PRKG1: variants seen among roughly 807,000 people sequenced by gnomAD.
PRKG1 encodes the protein cGMP-dependent protein kinase 1.
PRKG1 carries 35 observed loss-of-function variants against 88.1 expected under a neutral mutation model. That is an observed-to-expected ratio of 0.40 (90% confidence interval 0.30 to 0.53). The LOEUF is 0.53. Ranked by LOEUF, PRKG1 falls within the 20% of genes least tolerant of loss-of-function variation. The probability of loss-of-function intolerance (pLI) is 0.59; values close to 1 mark genes in which losing one functional copy is unlikely to be tolerated. For missense variants in PRKG1, 540 were observed against 839.8 expected, an observed-to-expected ratio of 0.64 and a Z score of 4.41; for synonymous variants, 303 against 292.5, an observed-to-expected ratio of 1.04 and a Z score of -0.37.
intron 3 of PRKG1, among the ~76,000 whole-genome samples, chr10:51,667,967 C>T (rs1564598035): frequency 2.0e-5 from 3 of 149,878 alleles, no homozygotes. Flanking sequence ...TTTTCCAGCT[C>T]TTTTTTTTTT....
chr10:52,133,954 C>G, intron 8 of PRKG1, 49 bp downstream of exon 8: 1 of 1,406,870 alleles, frequency 7.1e-7, no homozygotes, highest in East Asian at 2.3e-5. Flanking sequence ...ATCAGCAACA[C>G]ACATGAGTTC....
chr10:51,748,012 C>T (rs781243039), intron 3 of PRKG1, among the ~76,000 whole-genome samples: 6 of 152,158 alleles, frequency 3.9e-5, no homozygotes, highest in Non-Finnish European at 5.9e-5. Context: ...GCAGTAGAGC[C>T]AGAACTCCTG....
At position 51,444,935 on chromosome 10, in the gene PRKG1, T is replaced by C. The variant is rs111442203; in HGVS notation, c.479-22788T>C. On this transcript the variant is annotated intron_variant, in intron 2 of 17. Coordinates refer to ENST00000373980, the MANE Select transcript of PRKG1 (RefSeq NM_006258.4). Reference sequence around the variant, plus strand: ...GAATCTTGGGACTGGGTTAAAAAAATAGTCTTCATTGTTGAAATAAGGAAT... The same window carrying C: ...GAATCTTGGGACTGGGTTAAAAAAACAGTCTTCATTGTTGAAATAAGGAAT... Among the ~76,000 whole-genome samples, 338 of 152,000 alleles carry C rather than the reference T, an allele frequency of 2.2e-3. 3 individuals are homozygous for C. Among genetic ancestry groups the C allele is most frequent in the African/African-American group, 7.6e-3 (317 of 41,526 alleles).
chr10:52,053,936 A>G (rs182714504), intron 5 of PRKG1, among the ~76,000 whole-genome samples: 362 of 152,310 alleles, frequency 2.4e-3, no homozygotes, highest in African/African-American at 8.1e-3. Context: ...TCAAAGGAAG[A>G]TTTTTACATG....
At chr10:51,765,982 C>G (rs188464001) in intron 3 of PRKG1, among the ~76,000 whole-genome samples, 1 of 152,214 alleles carries the variant, frequency 6.6e-6, no homozygotes, top group East Asian at 1.9e-4. Context: ...TGAGTACACT[C>G]TTCCTGGCTT....
chr10:51,283,590 C>A (rs924278138), intron 2 of PRKG1, among the ~76,000 whole-genome samples: 1 of 151,968 alleles, frequency 6.6e-6, no homozygotes, highest in Non-Finnish European at 1.5e-5. Flanking sequence ...GACTATTGAG[C>A]CTTTAGGGTG....
chr10:51,963,009 G>A (rs2133074909), intron 5 of PRKG1, among the ~76,000 whole-genome samples: 1 of 152,294 alleles, frequency 6.6e-6, no homozygotes, highest in East Asian at 1.9e-4. Flanking sequence ...GATGCTCTCA[G>A]TGTAGTTTTG....
chr10:51,505,123 C>T (rs1182722647), intron 3 of PRKG1, among the ~76,000 whole-genome samples: 2 of 151,992 alleles, frequency 1.3e-5, no homozygotes, highest in Non-Finnish European at 2.9e-5. Context: ...ATAGATAGCT[C>T]TTATTATTTT....
chr10:51,024,541 G>C (rs552796893), intron 1 of PRKG1, among the ~76,000 whole-genome samples: 1 of 152,024 alleles, frequency 6.6e-6, no homozygotes, highest in Non-Finnish European at 1.5e-5. Context: ...TTGATTAATC[G>C]AATAATTTGA....
At chr10:51,176,668 A>T (rs1238950579) in intron 2 of PRKG1, among the ~76,000 whole-genome samples, 1 of 152,138 alleles carries the variant, frequency 6.6e-6, no homozygotes, top group Non-Finnish European at 1.5e-5. Flanking sequence ...AATTTTTCTA[A>T]AGTGGTGACA....
intron 2 of PRKG1, among the ~76,000 whole-genome samples, chr10:51,373,430 T>C (rs1842743645): frequency 6.6e-6 from 1 of 152,176 alleles, no homozygotes; most frequent in Non-Finnish European, 1.5e-5. Flanking sequence ...ATTCAGGTGT[T>C]TCTTTTTTAA....
intron 2 of PRKG1, among the ~76,000 whole-genome samples, chr10:51,301,507 C>G (rs1288320942): frequency 1.3e-5 from 2 of 152,182 alleles, no homozygotes; most frequent in African/African-American, 4.8e-5. Flanking sequence ...GAGTGAGCCA[C>G]TTCAAAATGT....
At chr10:51,467,922 A>G (rs1839950323) in intron 3 of PRKG1, 86 bp downstream of exon 3, 1 of 1,065,768 alleles carries the variant, frequency 9.4e-7, no homozygotes, top group South Asian at 1.3e-5. Context: ...CATTCATTTA[A>G]TCTTTATACT....
At chr10:52,263,414 T>G (rs2132419373) in intron 10 of PRKG1, among the ~76,000 whole-genome samples, 1 of 152,230 alleles carries the variant, frequency 6.6e-6, no homozygotes, top group South Asian at 2.1e-4. Flanking sequence ...AACAACTTCA[T>G]TGAGGTATAA....
At chr10:51,233,831 C>T (rs771285390) in intron 2 of PRKG1, among the ~76,000 whole-genome samples, 20 of 151,904 alleles carry the variant, frequency 1.3e-4, no homozygotes, top group African/African-American at 4.6e-4. Flanking sequence ...CCACAATAAG[C>T]GGTATCTTTT....
chr10:51,567,252 G>A (rs1193308724), intron 3 of PRKG1, among the ~76,000 whole-genome samples: 1 of 151,980 alleles, frequency 6.6e-6, no homozygotes, highest in African/African-American at 2.4e-5. Flanking sequence ...TGGTTGGGGT[G>A]GGAGAGATGA....
chr10:52,033,511 C>A (rs887915146), intron 5 of PRKG1, among the ~76,000 whole-genome samples: 1 of 152,136 alleles, frequency 6.6e-6, no homozygotes, highest in Non-Finnish European at 1.5e-5. Flanking sequence ...GTTTATATCA[C>A]CTTTTTAGCT....
chr10:51,343,206 A>G (rs965535502), intron 2 of PRKG1, among the ~76,000 whole-genome samples: 8 of 152,204 alleles, frequency 5.3e-5, no homozygotes, highest in Admixed American at 2.0e-4. Flanking sequence ...TCTTTCTTGT[A>G]TATCTTTTTT....
chr10:51,779,372 G>A (rs890635441), intron 3 of PRKG1, among the ~76,000 whole-genome samples: 2 of 151,992 alleles, frequency 1.3e-5, no homozygotes, highest in Admixed American at 6.6e-5. Flanking sequence ...ATGCTTATAC[G>A]CCTCTGGGAG....
Sources: gnomAD v4.1 joint callset for allele counts (sites outside exome capture counted in the v4.1 genomes callset) on GRCh38, gnomAD v4.1.1 for gene constraint, MANE v1.5 for transcripts, NCBI Gene and HGNC (gene_info 2026-07-23, HGNC 2026-07-21) for gene names.